SLC36A1: variants seen among roughly 807,000 people sequenced by gnomAD.
The protein encoded by SLC36A1 is solute carrier family 36 member 1.
A neutral mutation model predicts 47.5 loss-of-function variants in SLC36A1; 30 were observed. That is an observed-to-expected ratio of 0.63 (90% CI 0.47 to 0.86). The LOEUF is 0.86. Among genes scored for constraint, SLC36A1 ranks in the 40% least tolerant of loss-of-function variants. SLC36A1 has a pLI of 0.00. For missense variants in SLC36A1, 517 were observed against 606.0 expected (o/e 0.85, Z 1.54); for synonymous variants, 255 against 249.7 (o/e 1.02, Z -0.20).
the SLC36A1 span, among the ~76,000 whole-genome samples, chr5:151,360,353 G>C: frequency 6.6e-6 from 1 of 152,130 alleles, no homozygotes; most frequent in African/African-American, 2.4e-5. Flanking sequence ...TTATAATAAA[G>C]TGAGCTAGAA....
At chr5:151,378,966 G>A in the SLC36A1 span, among the ~76,000 whole-genome samples, 1 of 152,242 alleles carries the variant, frequency 6.6e-6, no homozygotes, top group Non-Finnish European at 1.5e-5. Context: ...GGAGATGTGT[G>A]GCCTTTTCAC....
chr5:151,512,245 G>A, the SLC36A1 span: 2 of 1,614,206 alleles, frequency 1.2e-6, no homozygotes, highest in Non-Finnish European at 1.7e-6. This position sits in a 1 kb window ranked among gnomAD's most constrained non-coding sequence, Gnocchi z 4.1. Context: ...GCAGCACTGG[G>A]TGAGGGCTTG....
the SLC36A1 span, among the ~76,000 whole-genome samples, chr5:151,406,016 T>C: frequency 6.6e-6 from 1 of 152,292 alleles, no homozygotes; most frequent in Admixed American, 6.5e-5. Context: ...TTCAGTGCCT[T>C]TGCAGCAACA....
At chr5:151,500,945 A>G in the SLC36A1 span, among the ~76,000 whole-genome samples, 12 of 152,280 alleles carry the variant, frequency 7.9e-5, no homozygotes, top group African/African-American at 2.9e-4. Flanking sequence ...TGCGGAAGAA[A>G]AGGAGAAGGC....
the SLC36A1 span, among the ~76,000 whole-genome samples, chr5:151,361,103 G>T: frequency 1.3e-5 from 2 of 152,074 alleles, no homozygotes; most frequent in Non-Finnish European, 1.5e-5. Flanking sequence ...GGCTTTTATG[G>T]TTTTTTCTAT....
chr5:151,500,068 G>T, the SLC36A1 span, among the ~76,000 whole-genome samples: 1 of 152,134 alleles, frequency 6.6e-6, no homozygotes, highest in African/African-American at 2.4e-5. Context: ...GGGCCCCCTG[G>T]CTCTGTGCCA....
the SLC36A1 span, among the ~76,000 whole-genome samples, chr5:151,408,434 G>A: frequency 1.3e-4 from 20 of 152,206 alleles, no homozygotes; most frequent in East Asian, 3.9e-4. Context: ...TGATCTGCCC[G>A]CCTCGGCCTC....
intron 9 of SLC36A1, chr5:151,477,130 G>A (rs1474151925): frequency 5.5e-6 from 2 of 366,064 alleles, no homozygotes; most frequent in East Asian, 1.4e-4. Flanking sequence ...GGTAGTAACA[G>A]GCTTGATATG....
chr5:151,425,097 C>A, the SLC36A1 span, among the ~76,000 whole-genome samples: 425 of 152,300 alleles, frequency 2.8e-3, 3 homozygotes, highest in African/African-American at 9.9e-3. Flanking sequence ...ACTTTCTGAT[C>A]CCAAGTTGTG....
chr5:151,366,921 T>C, the SLC36A1 span, among the ~76,000 whole-genome samples: 6 of 152,180 alleles, frequency 3.9e-5, no homozygotes, highest in Non-Finnish European at 7.3e-5. Context: ...AGCAAGTTTT[T>C]ATTAAGGGTT....
At chr5:151,455,764 G>A (rs375060531) in intron 1 of SLC36A1, among the ~76,000 whole-genome samples, 2 of 152,200 alleles carry the variant, frequency 1.3e-5, no homozygotes, top group East Asian at 1.9e-4. Context: ...GGGGGAGTGC[G>A]TCCTTCGGCC....
chr5:151,542,676 A>C, the SLC36A1 span: 61 of 1,614,062 alleles, frequency 3.8e-5, no homozygotes, highest in Non-Finnish European at 4.9e-5. Flanking sequence ...CAGTCACTTG[A>C]ATGACTGAGG....
the SLC36A1 span, chr5:151,347,512 G>A: frequency 3.0e-5 from 48 of 1,605,940 alleles, no homozygotes; most frequent in Admixed American, 8.3e-5. Flanking sequence ...TGCTCTGGAA[G>A]GAGGGAAGCA....
chr5:151,409,305 G>C, the SLC36A1 span, among the ~76,000 whole-genome samples: 95 of 152,176 alleles, frequency 6.2e-4, 1 homozygote, highest in South Asian at 0.012. Context: ...ATCTGGTTGG[G>C]GTGGGGGGGA....
the SLC36A1 span, chr5:151,381,088 C>T: frequency 1.9e-5 from 9 of 481,508 alleles, no homozygotes; most frequent in African/African-American, 1.6e-4. Context: ...AGCCACACGA[C>T]CATGTCACCA....
At chr5:151,383,709 A>T in the SLC36A1 span, among the ~76,000 whole-genome samples, 1 of 151,958 alleles carries the variant, frequency 6.6e-6, no homozygotes, top group South Asian at 2.1e-4. Context: ...AGTAGCTGGA[A>T]TTACAGGCAC....
At chr5:151,525,837 C>T in the SLC36A1 span, 382,010 of 1,613,798 alleles carry the variant, frequency 0.24, 47,105 homozygotes, top group Non-Finnish European at 0.25. Flanking sequence ...GCCATCCATC[C>T]GGGGTCACTC....
chr5:151,402,798 G>T, the SLC36A1 span, among the ~76,000 whole-genome samples: 1 of 152,098 alleles, frequency 6.6e-6, no homozygotes, highest in African/African-American at 2.4e-5. Flanking sequence ...GTATTTAGAG[G>T]TGTTCATAAT....
At chr5:151,517,140 T>C in the SLC36A1 span, among the ~76,000 whole-genome samples, 2 of 151,556 alleles carry the variant, frequency 1.3e-5, no homozygotes, top group South Asian at 2.1e-4. Flanking sequence ...AAATGGTAGA[T>C]TGGCATATGT....
Sources: gnomAD v4.1 joint callset for allele counts (sites outside exome capture counted in the v4.1 genomes callset) on GRCh38, gnomAD v4.1.1 for gene constraint, Gnocchi (gnomAD v3.1) non-coding constraint, MANE v1.5 for transcripts, NCBI Gene and HGNC (gene_info 2026-07-23, HGNC 2026-07-21) for gene names.